Variants in CDH18 observed in about 807,000 individuals in gnomAD.
CDH18 encodes the protein cadherin 18, also known as cadherin-18.
In CDH18, 31 loss-of-function variants were observed where a neutral mutation model predicts 67.9. The ratio of observed to expected loss-of-function variants is 0.46; its 90% CI spans 0.34 to 0.62. The LOEUF (loss-of-function observed/expected upper bound fraction) is 0.62. CDH18 is among the 20% of genes least tolerant of loss of function. The pLI is 0.01. For synonymous variants in CDH18, 362 were observed against 347.2 expected (o/e 1.04, Z -0.48); for missense variants, 890 against 975.5 (o/e 0.91, Z 1.17).
At chr5:19,901,027 G>A (rs1442187268) in intron 2 of CDH18, among the ~76,000 whole-genome samples, 1 of 152,094 alleles carries the variant, frequency 6.6e-6, no homozygotes, top group African/African-American at 2.4e-5. Context: ...TAACTTCTCT[G>A]AGATTTAACT....
intron 10 of CDH18, among the ~76,000 whole-genome samples, chr5:19,514,655 T>A (rs1324081120): frequency 1.3e-5 from 2 of 152,208 alleles, no homozygotes; most frequent in Non-Finnish European, 2.9e-5. Context: ...TTTTGAAAAG[T>A]GTTTGTTCTT....
intron 1 of CDH18, among the ~76,000 whole-genome samples, chr5:20,297,634 T>C (rs1747645897): frequency 6.6e-6 from 1 of 152,162 alleles, no homozygotes; most frequent in African/African-American, 2.4e-5. Flanking sequence ...AAATATACAA[T>C]TTGTCGACAG....
At chr5:19,527,241 A>C (rs2126951480) in intron 9 of CDH18, among the ~76,000 whole-genome samples, 1 of 151,986 alleles carries the variant, frequency 6.6e-6, no homozygotes, top group South Asian at 2.1e-4. Flanking sequence ...AAATGAGAGT[A>C]GTTTTTCCAT....
At chr5:19,507,208 C>T (rs1448815607) in intron 10 of CDH18, among the ~76,000 whole-genome samples, 5 of 152,102 alleles carry the variant, frequency 3.3e-5, no homozygotes, top group Non-Finnish European at 5.9e-5. Context: ...CAATGAGATA[C>T]CATCTCACCC....
chr5:19,997,312 GCTGTAC>G (rs1736096597), intron 2 of CDH18, among the ~76,000 whole-genome samples: 1 of 151,986 alleles, frequency 6.6e-6, no homozygotes, highest in Admixed American at 6.6e-5. Flanking sequence ...ATTCTGGATG[GCTGTAC>G]ACTGTTATAG....
At chr5:19,506,040 G>C (rs1028170857) in intron 10 of CDH18, among the ~76,000 whole-genome samples, 2 of 152,072 alleles carry the variant, frequency 1.3e-5, no homozygotes, top group Non-Finnish European at 2.9e-5. Flanking sequence ...TCCTGGTTTA[G>C]TCTTGGGAGG....
intron 1 of CDH18, among the ~76,000 whole-genome samples, chr5:20,520,794 G>A (rs1755698997): frequency 6.6e-6 from 1 of 152,062 alleles, no homozygotes; most frequent in African/African-American, 2.4e-5. Context: ...CAAGTAAAAT[G>A]TCAAGAAAAA....
intron 2 of CDH18, among the ~76,000 whole-genome samples, chr5:19,956,820 G>A (rs1172304422): frequency 6.6e-6 from 1 of 151,752 alleles, no homozygotes; most frequent in East Asian, 1.9e-4. Flanking sequence ...TTAGAAAAAT[G>A]TTACCATTGG....
chr5:19,680,293 C>A (rs923648740), intron 5 of CDH18, among the ~76,000 whole-genome samples: 1 of 151,966 alleles, frequency 6.6e-6, no homozygotes, highest in Non-Finnish European at 1.5e-5. Flanking sequence ...GAATTAAATA[C>A]TTAAATGTAA....
intron 1 of CDH18, among the ~76,000 whole-genome samples, chr5:20,296,874 TAAAG>T (rs2149957137): frequency 6.6e-6 from 1 of 152,006 alleles, no homozygotes; most frequent in East Asian, 1.9e-4. Context: ...AATAAATGAA[TAAAG>T]AAATTCTTCA....
chr5:20,402,801 G>A (rs1015622537), intron 1 of CDH18, among the ~76,000 whole-genome samples: 3 of 152,066 alleles, frequency 2.0e-5, no homozygotes, highest in East Asian at 1.9e-4. Context: ...CCCACTACTC[G>A]GGAGGCTGAG....
intron 7 of CDH18, among the ~76,000 whole-genome samples, chr5:19,574,744 T>G (rs1021221084): frequency 1.3e-5 from 2 of 148,532 alleles, no homozygotes; most frequent in African/African-American, 2.5e-5. Context: ...CTTTCTTAGT[T>G]AAAAAAAAAA....
chr5:20,048,676 A>T (rs1004564282), intron 2 of CDH18, among the ~76,000 whole-genome samples: 1 of 151,666 alleles, frequency 6.6e-6, no homozygotes, highest in Non-Finnish European at 1.5e-5. Flanking sequence ...CTAAGTTGTA[A>T]GCTGATAATG....
intron 1 of CDH18, among the ~76,000 whole-genome samples, chr5:20,552,695 A>G (rs1757696099): frequency 6.6e-6 from 1 of 152,192 alleles, no homozygotes; most frequent in South Asian, 2.1e-4. Flanking sequence ...TTTTACATAA[A>G]AACTTAGTCT....
At chr5:19,893,752 GTTGT>G (rs1459638477) in intron 2 of CDH18, among the ~76,000 whole-genome samples, 24 of 152,206 alleles carry the variant, frequency 1.6e-4, no homozygotes, top group African/African-American at 5.3e-4. Context: ...TTCAGCACTT[GTTGT>G]TTGTTATTTT....
At chr5:20,178,570 G>C (rs1737424315) in intron 2 of CDH18, among the ~76,000 whole-genome samples, 1 of 149,356 alleles carries the variant, frequency 6.7e-6, no homozygotes, top group African/African-American at 2.5e-5. Flanking sequence ...AGTGTAAATA[G>C]AGTTTCTTTC....
chr5:19,516,637 G>T (rs1197800898), intron 10 of CDH18, among the ~76,000 whole-genome samples: 3 of 152,182 alleles, frequency 2.0e-5, no homozygotes, highest in Non-Finnish European at 4.4e-5. Flanking sequence ...TATTTGCAAA[G>T]AGGTGTTTAT....
chr5:20,254,899 A>C (rs1195741564), intron 2 of CDH18, among the ~76,000 whole-genome samples: 2 of 151,194 alleles, frequency 1.3e-5, no homozygotes, highest in African/African-American at 4.8e-5. Flanking sequence ...TAAAAAAAAA[A>C]TGTGGTACAT....
intron 3 of CDH18, among the ~76,000 whole-genome samples, chr5:19,806,230 T>G (rs1484307609): frequency 6.6e-6 from 1 of 152,228 alleles, no homozygotes; most frequent in Non-Finnish European, 1.5e-5. Context: ...CTCAGTCAAA[T>G]GCATCTCTCC....
Sources: gnomAD v4.1 joint callset for allele counts (sites outside exome capture counted in the v4.1 genomes callset) on GRCh38, gnomAD v4.1.1 for gene constraint, MANE v1.5 for transcripts, NCBI Gene and HGNC (gene_info 2026-07-23, HGNC 2026-07-21) for gene names.